Variants in ZNF589 observed in about 807,000 individuals in gnomAD.
ZNF589 encodes the protein KRAB-zinc finger protein SZF1-1.
A neutral mutation model predicts 13.6 loss-of-function variants in ZNF589; 17 were observed. That is an observed-to-expected ratio of 1.25 (90% CI 0.86 to 1.88). ZNF589 has a LOEUF of 1.88. ZNF589 is among the 40% of genes most tolerant of loss of function. The pLI, the probability that ZNF589 is intolerant of heterozygous loss-of-function variation, is 0.00. For missense variants in ZNF589, 407 were observed against 434.0 expected (o/e 0.94, Z 0.55); for synonymous variants, 148 against 161.6 (o/e 0.92, Z 0.64).
At chr3:48,245,135 G>T (rs1435920432) in intron 1 of ZNF589, among the ~76,000 whole-genome samples, 1 of 152,018 alleles carries the variant, frequency 6.6e-6, no homozygotes, top group Non-Finnish European at 1.5e-5. Context: ...CAGAGACAGG[G>T]TTTCCCCGGC....
At chr3:48,250,605 G>A (rs1332484983) in intron 2 of ZNF589, among the ~76,000 whole-genome samples, 1 of 150,330 alleles carries the variant, frequency 6.7e-6, no homozygotes, top group East Asian at 1.9e-4. Flanking sequence ...CTGAGAAGCT[G>A]GGATTACAAG....
chr3:48,261,690 T>C (rs772743348), intron 3 of ZNF589, among the ~76,000 whole-genome samples: 7 of 152,252 alleles, frequency 4.6e-5, no homozygotes, highest in Non-Finnish European at 8.8e-5. Flanking sequence ...CACATTTCTC[T>C]CAGCATCTTT....
Position 48,241,228 on chromosome 3 carries a change from G to C in ZNF589, c.43+14G>C, listed in dbSNP as rs1305226621. The stretch of plus-strand genomic sequence containing the variant: ...GGACTGCGGAAGGTGAGTCGGGGCC[G>C]CGAGATCGCCTCCCCCATTCGGTGC... On this transcript the variant is annotated intron_variant, in intron 1 of 3. Coordinates refer to ENST00000354698, the MANE Select transcript of ZNF589 (RefSeq NM_016089.3). 2.5e-6 allele frequency: 4 copies of C among 1,610,346 alleles called. No individual in the cohort carries two copies. The highest frequency in any genetic ancestry group is 2.5e-6 in the Non-Finnish European group (3 of 1,179,298).
intron 3 of ZNF589, among the ~76,000 whole-genome samples, chr3:48,261,281 CTA>C (rs536386298): frequency 5.5e-4 from 84 of 152,172 alleles, no homozygotes; most frequent in African/African-American, 1.9e-3. Context: ...AGGTAGGCCT[CTA>C]TGAGGAAGTA....
intron 3 of ZNF589, 52 bp from the exon 4 acceptor site, chr3:48,267,863 G>A: frequency 6.6e-7 from 1 of 1,522,824 alleles, no homozygotes; most frequent in Non-Finnish European, 8.7e-7. Context: ...TAAAACAAGA[G>A]CCCAGTCAGC....
chr3:48,261,804 A>G (rs2033971341), intron 3 of ZNF589, among the ~76,000 whole-genome samples: 1 of 152,140 alleles, frequency 6.6e-6, no homozygotes. Context: ...TCTAATTTGA[A>G]TTGGCCTCAT....
rs933588108 is a variant in ZNF589, at chr3:48,268,128, G to C, written c.437G>C (p.Arg146Pro). Reference protein sequence around the residue: ...NHRGAEAEDQRVEGGVRPLFW... With the variant: ...NHRGAEAEDQPVEGGVRPLFW... Reference sequence around the variant, plus strand: ...AGGGGGGCTGAAGCAGAAGATCAACGAGTGGAAGGAGGCGTCAGACCCTTG... The same window carrying C: ...AGGGGGGCTGAAGCAGAAGATCAACCAGTGGAAGGAGGCGTCAGACCCTTG... Residue 146 changes from arginine to proline, a missense_variant, in exon 4 of 4, where the codon CGA becomes CCA. By Grantham distance (103) the Arg-to-Pro change is moderately radical (BLOSUM62 -2). Coordinates refer to ENST00000354698, the MANE Select transcript of ZNF589 (RefSeq NM_016089.3). The C allele has an allele frequency of 6.2e-7, 1 of 1,614,194 alleles. No individual in the cohort carries two copies. Among genetic ancestry groups the C allele is most frequent in the Non-Finnish European group, 8.5e-7 (1 of 1,180,014 alleles).
At chr3:48,263,441 A>G (rs919869476) in intron 3 of ZNF589, among the ~76,000 whole-genome samples, 3 of 152,096 alleles carry the variant, frequency 2.0e-5, no homozygotes, top group Non-Finnish European at 4.4e-5. Context: ...ATAGGGCATT[A>G]CATTATTAAA....
chr3:48,251,309 A>G (rs558223072), intron 2 of ZNF589, among the ~76,000 whole-genome samples: 1 of 152,158 alleles, frequency 6.6e-6, no homozygotes, highest in East Asian at 1.9e-4. Flanking sequence ...AGACAGGAGA[A>G]TCACTTGAAC....
At chr3:48,254,050 A>G (rs1028497666) in intron 2 of ZNF589, among the ~76,000 whole-genome samples, 2 of 152,104 alleles carry the variant, frequency 1.3e-5, no homozygotes, top group Non-Finnish European at 2.9e-5. Context: ...TTATTATGCC[A>G]CTGTACTCCA....
In ZNF589 at chr3:48,268,105, G is replaced by T. The variant is rs377257417; in HGVS notation, c.414G>T (p.Arg138Ser). The T allele has an allele frequency of 1.1e-5, 18 of 1,614,180 alleles. No individual in the cohort carries two copies. The highest frequency in any genetic ancestry group is 1.5e-5 in the Non-Finnish European group (18 of 1,180,030). Residue 138 changes from arginine (R) to serine (S), a missense_variant, in exon 4 of 4, where the codon AGG becomes AGT. Transcript: ENST00000354698. ...QSQHPSDKNH[R>S]GAEAEDQRVE... ...AACATCCTTCTGATAAAAATCACAG[G>T]GGGGCTGAAGCAGAAGATCAACGAG...
chr3:48,266,803 A>T (rs1044764896), intron 3 of ZNF589, among the ~76,000 whole-genome samples: 1 of 152,252 alleles, frequency 6.6e-6, no homozygotes, highest in African/African-American at 2.4e-5. Context: ...GAATCTTCCA[A>T]GTAGGCATCC....
At chr3:48,245,034 C>T (rs560599403) in intron 1 of ZNF589, among the ~76,000 whole-genome samples, 19 of 151,940 alleles carry the variant, frequency 1.3e-4, no homozygotes, top group Non-Finnish European at 2.1e-4. Context: ...AGGCTGGTCT[C>T]GAACTACTTA....
chr3:48,250,991 A>G (rs559595208), intron 2 of ZNF589, among the ~76,000 whole-genome samples: 2 of 149,798 alleles, frequency 1.3e-5, no homozygotes, highest in South Asian at 4.3e-4. Context: ...CCTCAAGGTA[A>G]CCTCCCACCT....
chr3:48,245,804 AG>A (rs1489459500), intron 1 of ZNF589, among the ~76,000 whole-genome samples: 1 of 151,836 alleles, frequency 6.6e-6, no homozygotes, highest in Non-Finnish European at 1.5e-5. Context: ...AAAATTAGCC[AG>A]GCATGGTGGC....
At chr3:48,260,598 A>G (rs926535798) in intron 2 of ZNF589, among the ~76,000 whole-genome samples, 5 of 152,116 alleles carry the variant, frequency 3.3e-5, no homozygotes, top group Admixed American at 3.3e-4. Flanking sequence ...TAGTGGAGAC[A>G]GCGTTTCACC....
At position 48,268,770 on chromosome 3, in the gene ZNF589, A is replaced by G. The variant is rs764617425; in HGVS notation, c.1079A>G (p.Tyr360Cys). 1 of 1,613,268 alleles carries G rather than the reference A, an allele frequency of 6.2e-7. No individual in the cohort carries two copies. The highest frequency in any genetic ancestry group is 1.7e-5 in the Admixed American group (1 of 59,980). ...AGAATTCACACGGGGGATAAGCCTT[A>G]TGTGTGCAGAGATTGAGGCCGAGGC... The part of the protein sequence containing the change: ...HQRIHTGDKP[Y>C]VCRD Residue 360 changes from tyrosine (Y) to cysteine (C), a missense_variant, in exon 4 of 4, where the codon TAT becomes TGT. By Grantham distance (194) the Tyr-to-Cys change is radical (BLOSUM62 -2). Coordinates refer to ENST00000354698, the MANE Select transcript of ZNF589 (RefSeq NM_016089.3).
Position 48,268,636 on chromosome 3 carries a change from C to T in ZNF589, c.945C>T (p.Cys315=). The change falls in exon 4 of 4, where the codon TGC becomes TGT. Residue 315 remains cysteine (C), a synonymous_variant. Transcript: ENST00000354698. ...GCCATTGTGGGCGAGGCTTTAGCTG[C>T]AAGCCATACCTCATCAGACATCAGA... ...VCSHCGRGFS[C]KPYLIRHQRT... 3.1e-6 allele frequency: 5 copies of T among 1,612,160 alleles called. No individual in the cohort carries two copies. Among genetic ancestry groups the T allele is most frequent in the South Asian group, 2.2e-5 (2 of 90,990 alleles).
chr3:48,251,078 C>A (rs1215670969), intron 2 of ZNF589, among the ~76,000 whole-genome samples: 1 of 152,142 alleles, frequency 6.6e-6, no homozygotes, highest in Non-Finnish European at 1.5e-5. Context: ...TAGCTAGATT[C>A]TCCAAGACCA....
Sources: allele counts gnomAD v4.1 joint callset (sites outside exome capture counted in the v4.1 genomes callset), GRCh38; gene constraint gnomAD v4.1.1; transcripts MANE v1.5; gene names NCBI Gene and HGNC (gene_info 2026-07-23, HGNC 2026-07-21).